The following TFDP2 variants were observed in gnomAD, a reference collection of about 807,000 sequenced individuals.
TFDP2 encodes transcription factor Dp-2, also known as transcription factor Dp-2 (E2F dimerization partner 2).
Under a neutral mutation model 59.3 loss-of-function variants are expected in TFDP2, and 17 were observed. The observed-to-expected ratio is 0.29, with a 90% confidence interval of 0.20 to 0.43. The LOEUF (loss-of-function observed/expected upper bound fraction) is 0.43. TFDP2 is among the 20% of genes least tolerant of loss of function. The pLI is 1.00. For synonymous variants in TFDP2, 180 were observed against 194.7 expected, an observed-to-expected ratio of 0.92 and a Z score of 0.63; for missense variants, 391 against 528.8, an observed-to-expected ratio of 0.74 and a Z score of 2.56.
At chr3:142,131,805 A>G (rs1260167005) in intron 1 of TFDP2, among the ~76,000 whole-genome samples, 1 of 149,916 alleles carries the variant, frequency 6.7e-6, no homozygotes, top group Admixed American at 6.6e-5. Context: ...CAGGAGTTCG[A>G]GACCAGCCTG....
At chr3:142,053,904 G>C (rs953995555) in intron 3 of TFDP2, among the ~76,000 whole-genome samples, 3 of 152,180 alleles carry the variant, frequency 2.0e-5, no homozygotes, top group African/African-American at 7.2e-5. Context: ...AATATCATTA[G>C]TCATTAGGGA....
chr3:141,961,049 A>G (rs1225715524), intron 10 of TFDP2, among the ~76,000 whole-genome samples: 3 of 152,262 alleles, frequency 2.0e-5, no homozygotes, highest in East Asian at 1.9e-4. Flanking sequence ...AGTGTCCACA[A>G]TACCCTAGGC....
At chr3:141,986,115 T>C (rs902696989) in intron 6 of TFDP2, among the ~76,000 whole-genome samples, 1 of 152,208 alleles carries the variant, frequency 6.6e-6, no homozygotes. Flanking sequence ...GAGCTTAGTC[T>C]ATAAAAGATG....
chr3:142,028,037 T>C (rs1481653416), intron 3 of TFDP2, among the ~76,000 whole-genome samples: 1 of 151,888 alleles, frequency 6.6e-6, no homozygotes, highest in East Asian at 1.9e-4. Flanking sequence ...TTAAGAAAAA[T>C]GTACTAGGGA....
At chr3:142,105,238 ACT>A (rs776081269) in intron 1 of TFDP2, among the ~76,000 whole-genome samples, 4 of 152,258 alleles carry the variant, frequency 2.6e-5, no homozygotes, top group Admixed American at 6.5e-5. Context: ...TTTTAGAAAC[ACT>A]CTATATTTCC....
chr3:142,098,972 C>A (rs2061244822), intron 2 of TFDP2, among the ~76,000 whole-genome samples: 1 of 152,136 alleles, frequency 6.6e-6, no homozygotes, highest in Non-Finnish European at 1.5e-5. Context: ...CGATCATTTG[C>A]AACTATAAGA....
At position 141,951,636 on chromosome 3, in the gene TFDP2, A is replaced by G. The variant is rs1320491803; in HGVS notation, c.*877T>C. On this transcript the variant is annotated 3_prime_UTR_variant, in exon 13 of 13. Transcript: ENST00000489671. ...AACTGTAGGCAAGCAATTTGGTCATAGGAATTTGTTTCTTTGTCTTGTTTT... is the reference window on the plus strand; with the variant it reads ...AACTGTAGGCAAGCAATTTGGTCATGGGAATTTGTTTCTTTGTCTTGTTTT... 2.0e-5 allele frequency: 3 copies of G among 152,784 alleles called. No individual in the cohort carries two copies. The highest frequency in any genetic ancestry group is 4.4e-5 in the Non-Finnish European group (3 of 68,036). The allele number at this position is 152,784 out of a possible 1,614,324, so 9.5% of individuals were successfully genotyped here. A position where few individuals can be genotyped will look rare whatever the true frequency, so the allele number is the denominator to read the frequency against.
chr3:141,977,376 A>C (rs1429910911), intron 7 of TFDP2, among the ~76,000 whole-genome samples: 1 of 150,194 alleles, frequency 6.7e-6, no homozygotes, highest in African/African-American at 2.4e-5. Flanking sequence ...GTTCAAAATC[A>C]GCCTGGGCAA....
At chr3:142,143,464 A>C (rs2063037010) in intron 1 of TFDP2, among the ~76,000 whole-genome samples, 1 of 152,222 alleles carries the variant, frequency 6.6e-6, no homozygotes, top group Non-Finnish European at 1.5e-5. Context: ...GTGAAGAGAC[A>C]ACCCAAAGAA....
At chr3:142,130,467 GT>G (rs2062455055) in intron 1 of TFDP2, among the ~76,000 whole-genome samples, 3 of 150,184 alleles carry the variant, frequency 2.0e-5, no homozygotes, top group Admixed American at 2.0e-4. Context: ...TTGTTTGTTT[GT>G]TTTTTTACCG....
chr3:142,024,933 T>C (rs532832696), intron 3 of TFDP2, among the ~76,000 whole-genome samples: 1 of 151,808 alleles, frequency 6.6e-6, no homozygotes, highest in Non-Finnish European at 1.5e-5. Context: ...GGCAGGAGAA[T>C]TGCTTGAACC....
rs555681830 is a variant in TFDP2, at chr3:142,069,884, C to G, written c.82+23177G>C. 4.0e-5 allele frequency among the ~76,000 whole-genome samples: 6 copies of G among 151,350 alleles called. No individual in the cohort carries two copies. The South Asian group carries it at 1.3e-3, about 32-fold the overall frequency. On this transcript the variant is annotated intron_variant, in intron 3 of 12. Transcript: ENST00000489671. ...TCAGCCTCTCAAAGTTCTGGGATTACAGGCTTGAGCCACCACGCCTGGCCT... is the reference window on the plus strand; with the variant it reads ...TCAGCCTCTCAAAGTTCTGGGATTAGAGGCTTGAGCCACCACGCCTGGCCT...
chr3:142,089,405 T>C (rs759041673), intron 3 of TFDP2, among the ~76,000 whole-genome samples: 6 of 151,532 alleles, frequency 4.0e-5, no homozygotes, highest in Non-Finnish European at 8.8e-5. Flanking sequence ...AGAGGAAAAA[T>C]GGTAGGAAAA....
intron 1 of TFDP2, among the ~76,000 whole-genome samples, chr3:142,123,789 A>G (rs2062137019): frequency 6.6e-6 from 1 of 152,222 alleles, no homozygotes; most frequent in Admixed American, 6.5e-5. Context: ...ATTATTTAAC[A>G]GTGTTCTATA....
chr3:142,079,873 T>C (rs1489754811), intron 3 of TFDP2, among the ~76,000 whole-genome samples: 1 of 152,210 alleles, frequency 6.6e-6, no homozygotes, highest in Non-Finnish European at 1.5e-5. Flanking sequence ...ACACCAGACC[T>C]GTTCTACAAG....
chr3:141,993,464 C>A, intron 6 of TFDP2, 74 bp downstream of exon 6: 2 of 890,222 alleles, frequency 2.2e-6, no homozygotes, highest in South Asian at 1.8e-5. Context: ...CGCATTAAAC[C>A]AGAGCAGTGG....
intron 3 of TFDP2, among the ~76,000 whole-genome samples, chr3:142,052,495 A>G (rs1241383715): frequency 6.6e-6 from 1 of 152,084 alleles, no homozygotes; most frequent in Non-Finnish European, 1.5e-5. Context: ...CAGTGAGTGG[A>G]GATCGAGCGG....
intron 10 of TFDP2, 87 bp from the exon 11 acceptor site, chr3:141,959,927 G>C: frequency 1.5e-6 from 2 of 1,342,996 alleles, no homozygotes; most frequent in Non-Finnish European, 2.1e-6. Context: ...TAACAGAATG[G>C]GGGCCTAAAT....
chr3:141,986,058 C>T (rs1942063995), intron 6 of TFDP2, among the ~76,000 whole-genome samples: 1 of 152,248 alleles, frequency 6.6e-6, no homozygotes, highest in Non-Finnish European at 1.5e-5. Flanking sequence ...CTCAAAAGGG[C>T]TAAACAAAGA....
Sources: gnomAD v4.1 joint callset for allele counts (sites outside exome capture counted in the v4.1 genomes callset) on GRCh38, gnomAD v4.1.1 for gene constraint, MANE v1.5 for transcripts, NCBI Gene and HGNC (gene_info 2026-07-23, HGNC 2026-07-21) for gene names.